NEGR1: variants seen among roughly 807,000 people sequenced by gnomAD.
NEGR1 encodes IgLON family member 4.
A neutral mutation model predicts 40.9 loss-of-function variants in NEGR1; 10 were observed. That is an observed-to-expected ratio of 0.24 (90% CI 0.15 to 0.42). The LOEUF (loss-of-function observed/expected upper bound fraction) is 0.42. Among genes scored for constraint, NEGR1 ranks in the 10% least tolerant of loss-of-function variants. NEGR1 has a pLI of 1.00. For missense variants in NEGR1, 352 were observed against 438.9 expected (o/e 0.80, Z 1.77); for synonymous variants, 185 against 166.8 (o/e 1.11, Z -0.84).
chr1:71,592,684 C>T (rs1334004), intron 6 of NEGR1, 133 bp downstream of exon 6: 596,528 of 629,994 alleles, frequency 0.95, 285,407 homozygotes, highest in Non-Finnish European at 1. Flanking sequence ...GTAAGGATTG[C>T]GTGATGTATA....
intron 6 of NEGR1, among the ~76,000 whole-genome samples, chr1:71,422,039 ATTC>A (rs1245021091): frequency 6.6e-6 from 1 of 151,944 alleles, no homozygotes; most frequent in Non-Finnish European, 1.5e-5. Context: ...TATTTAAACT[ATTC>A]TTCTGATATT....
At chr1:71,571,787 C>CAAAAAAAAAAAAAAAAAAAAAAAAA (rs34844215) in intron 6 of NEGR1, among the ~76,000 whole-genome samples, 1 of 106,520 alleles carries the variant, frequency 9.4e-6, no homozygotes, top group Non-Finnish European at 1.8e-5. Context: ...GCCCCTGTCT[C>CAAAAAAAAAAAAAAAAAAAAAAAAA]AAAAAAAAAA....
intron 6 of NEGR1, among the ~76,000 whole-genome samples, chr1:71,488,574 C>A (rs988814698): frequency 4.6e-5 from 7 of 151,718 alleles, no homozygotes; most frequent in Non-Finnish European, 1.0e-4. Context: ...AGTGCAATAA[C>A]TTTCTACCCA....
intron 4 of NEGR1, among the ~76,000 whole-genome samples, chr1:71,638,854 C>T (rs908150419): frequency 2.0e-5 from 3 of 151,886 alleles, no homozygotes; most frequent in African/African-American, 4.8e-5. Flanking sequence ...TTTAAAATGC[C>T]CTTTTCCCCC....
chr1:71,684,142 C>T (rs987116427), intron 4 of NEGR1, among the ~76,000 whole-genome samples: 2 of 151,772 alleles, frequency 1.3e-5, no homozygotes, highest in African/African-American at 4.8e-5. Flanking sequence ...TGGTGGTGGG[C>T]GCCTGTAGTC....
chr1:71,527,402 A>ACCATCCATCCATCCATCCAT (rs71095944), intron 6 of NEGR1, among the ~76,000 whole-genome samples: 1 of 147,798 alleles, frequency 6.8e-6, no homozygotes, highest in Non-Finnish European at 1.5e-5. Flanking sequence ...CCATCCAACC[A>ACCATCCATCCATCCATCCAT]CCATCCATCC....
chr1:72,178,538 C>T (rs755402939), intron 1 of NEGR1, among the ~76,000 whole-genome samples: 15 of 151,776 alleles, frequency 9.9e-5, no homozygotes, highest in Admixed American at 7.9e-4. Context: ...AATGCTTAGA[C>T]TGTATCTAGG....
intron 1 of NEGR1, among the ~76,000 whole-genome samples, chr1:72,106,749 A>C (rs1389823504): frequency 1.3e-5 from 2 of 152,024 alleles, no homozygotes; most frequent in African/African-American, 4.8e-5. Context: ...TGGTAAATTA[A>C]AGATTAATTT....
chr1:71,559,640 A>G (rs1321132737), intron 6 of NEGR1, among the ~76,000 whole-genome samples: 2 of 151,608 alleles, frequency 1.3e-5, no homozygotes, highest in African/African-American at 4.8e-5. Context: ...TAAAAGAAAA[A>G]CAAATTAAAA....
At chr1:71,564,131 G>A (rs1226161496) in intron 6 of NEGR1, among the ~76,000 whole-genome samples, 5 of 152,020 alleles carry the variant, frequency 3.3e-5, no homozygotes, top group Non-Finnish European at 5.9e-5. Context: ...CAGACTCTCA[G>A]GCCCCAGCGC....
chr1:72,126,863 G>C (rs912521006), intron 1 of NEGR1, among the ~76,000 whole-genome samples: 2 of 152,146 alleles, frequency 1.3e-5, no homozygotes, highest in African/African-American at 4.8e-5. Flanking sequence ...TCATAACTGA[G>C]GATCCCACAA....
intron 1 of NEGR1, among the ~76,000 whole-genome samples, chr1:72,140,440 G>A (rs185527985): frequency 4.6e-5 from 7 of 152,084 alleles, no homozygotes; most frequent in African/African-American, 9.6e-5. Flanking sequence ...CAGACAACAA[G>A]AGGGCAAGAA....
chr1:71,427,335 C>T (rs1233760487), intron 6 of NEGR1, among the ~76,000 whole-genome samples: 1 of 152,136 alleles, frequency 6.6e-6, no homozygotes, highest in Non-Finnish European at 1.5e-5. Context: ...CCTCATCCTT[C>T]CTGTGTTCTG....
intron 3 of NEGR1, among the ~76,000 whole-genome samples, chr1:71,730,689 A>G (rs1654832304): frequency 6.6e-6 from 1 of 151,228 alleles, no homozygotes; most frequent in African/African-American, 2.4e-5. Context: ...AGTATCAAAC[A>G]GACTATTACC....
At chr1:71,695,924 G>A (rs1192913035) in intron 4 of NEGR1, among the ~76,000 whole-genome samples, 2 of 151,758 alleles carry the variant, frequency 1.3e-5, no homozygotes, top group Non-Finnish European at 2.9e-5. Context: ...AGCTCAGGAT[G>A]CTTCAACTAT....
chr1:71,499,001 A>G (rs1315691466), intron 6 of NEGR1, among the ~76,000 whole-genome samples: 1 of 152,168 alleles, frequency 6.6e-6, no homozygotes, highest in African/African-American at 2.4e-5. Flanking sequence ...TCTGCTGACT[A>G]CGGACTTCTG....
At chr1:71,530,937 TTCTATCATACTA>T (rs1465850575) in intron 6 of NEGR1, among the ~76,000 whole-genome samples, 1 of 151,144 alleles carries the variant, frequency 6.6e-6, no homozygotes, top group Admixed American at 6.6e-5. Context: ...TAACCTACAC[TTCTATCATACTA>T]TGTACTAGGA....
intron 1 of NEGR1, among the ~76,000 whole-genome samples, chr1:72,166,897 TAAAAAC>T (rs745809067): frequency 5.3e-5 from 8 of 152,116 alleles, no homozygotes; most frequent in African/African-American, 1.7e-4. Flanking sequence ...ATTTACCACT[TAAAAAC>T]AAAAACAAAG....
intron 2 of NEGR1, among the ~76,000 whole-genome samples, chr1:71,901,364 C>T (rs1220478399): frequency 2.0e-5 from 3 of 152,124 alleles, no homozygotes; most frequent in Non-Finnish European, 2.9e-5. Context: ...TGGTACATTT[C>T]TTATTTATCA....
Sources: allele counts gnomAD v4.1 joint callset (sites outside exome capture counted in the v4.1 genomes callset), GRCh38; gene constraint gnomAD v4.1.1; transcripts MANE v1.5; gene names NCBI Gene and HGNC (gene_info 2026-07-23, HGNC 2026-07-21).